FGF10: variants seen among roughly 807,000 people sequenced by gnomAD.
FGF10 encodes the protein FGF-10.
A neutral mutation model predicts 19.8 loss-of-function variants in FGF10; 2 were observed. That is an observed-to-expected ratio of 0.10 (90% CI 0.04 to 0.32). The LOEUF is 0.32. Among genes scored for constraint, FGF10 ranks in the 10% least tolerant of loss-of-function variants. FGF10 has a pLI of 1.00. For missense variants in FGF10, 191 were observed against 246.3 expected, an observed-to-expected ratio of 0.78 and a Z score of 1.50; for synonymous variants, 112 against 94.0, an observed-to-expected ratio of 1.19 and a Z score of -1.10.
At chr5:44,331,195 A>G (rs1740728842) in intron 1 of FGF10, among the ~76,000 whole-genome samples, 1 of 152,120 alleles carries the variant, frequency 6.6e-6, no homozygotes, top group Non-Finnish European at 1.5e-5. Context: ...ATACAAATTA[A>G]GCCAGACTAG....
chr5:44,330,409 CA>C (rs1740704911), intron 1 of FGF10, among the ~76,000 whole-genome samples: 1 of 152,204 alleles, frequency 6.6e-6, no homozygotes, highest in Non-Finnish European at 1.5e-5. Flanking sequence ...CCCTACCAAA[CA>C]TCTGGGAAAT....
At chr5:44,352,370 A>G (rs1741255092) in intron 1 of FGF10, among the ~76,000 whole-genome samples, 1 of 151,590 alleles carries the variant, frequency 6.6e-6, no homozygotes, top group Non-Finnish European at 1.5e-5. Flanking sequence ...ACACCAATAC[A>G]GAGGTAGCAT....
chr5:44,334,709 C>A (rs1388690852), intron 1 of FGF10, among the ~76,000 whole-genome samples: 1 of 152,108 alleles, frequency 6.6e-6, no homozygotes, highest in African/African-American at 2.4e-5. Context: ...CAGCCAAATG[C>A]TCTTTTCACT....
chr5:44,365,471 CT>C (rs1293800918), intron 1 of FGF10, among the ~76,000 whole-genome samples: 4 of 151,632 alleles, frequency 2.6e-5, no homozygotes, highest in Non-Finnish European at 4.4e-5. Flanking sequence ...AAACCTTCTT[CT>C]TGCACCTCCC....
At chr5:44,311,961 TC>T (rs918364977) in intron 1 of FGF10, among the ~76,000 whole-genome samples, 1 of 152,056 alleles carries the variant, frequency 6.6e-6, no homozygotes, top group African/African-American at 2.4e-5. Context: ...TGCTTGAGTT[TC>T]CCCTGTTGCC....
intron 1 of FGF10, among the ~76,000 whole-genome samples, chr5:44,320,070 G>A (rs1204675933): frequency 6.6e-6 from 1 of 152,178 alleles, no homozygotes; most frequent in Non-Finnish European, 1.5e-5. Context: ...CATATGTGAG[G>A]GACTGGGTTG....
chr5:44,344,906 A>G (rs1166737694), intron 1 of FGF10, among the ~76,000 whole-genome samples: 1 of 151,942 alleles, frequency 6.6e-6, no homozygotes, highest in Non-Finnish European at 1.5e-5. Flanking sequence ...GGCAATAAGC[A>G]GTATATACAA....
At chr5:44,349,243 T>C (rs1741161661) in intron 1 of FGF10, among the ~76,000 whole-genome samples, 2 of 150,316 alleles carry the variant, frequency 1.3e-5, no homozygotes, top group Admixed American at 1.3e-4. Context: ...TCACCTCCTA[T>C]TTCTTCAGCC....
At chr5:44,320,694 CA>C in intron 1 of FGF10, among the ~76,000 whole-genome samples, 1 of 149,100 alleles carries the variant, frequency 6.7e-6, no homozygotes, top group African/African-American at 2.4e-5. Flanking sequence ...AAGTCAAGTT[CA>C]AGTCTTTGGA....
chr5:44,373,615 T>C (rs1352415048), intron 1 of FGF10, among the ~76,000 whole-genome samples: 1 of 152,152 alleles, frequency 6.6e-6, no homozygotes, highest in Non-Finnish European at 1.5e-5. Flanking sequence ...GCCTTTCTTC[T>C]AGTTTTCAAT....
chr5:44,384,250 T>G (rs991071503), intron 1 of FGF10, among the ~76,000 whole-genome samples: 1 of 152,128 alleles, frequency 6.6e-6, no homozygotes, highest in Admixed American at 6.5e-5. Flanking sequence ...TAAATAGTCA[T>G]GTATTCCTAA....
At chr5:44,313,185 G>T (rs757294079) in intron 1 of FGF10, among the ~76,000 whole-genome samples, 2 of 151,982 alleles carry the variant, frequency 1.3e-5, no homozygotes, top group East Asian at 1.9e-4. Flanking sequence ...ATTTTGGGAC[G>T]CAGCGTATGG....
chr5:44,317,763 T>C lies in FGF10; in HGVS notation c.326-7233A>G, dbSNP rs560377483. Reference sequence around the variant, plus strand: ...TTTTTCCTCACTGGTAGAGATTTTTTAAATGTATTTAACATTATGGAAATA... The same window carrying C: ...TTTTTCCTCACTGGTAGAGATTTTTCAAATGTATTTAACATTATGGAAATA... On this transcript the variant is annotated intron_variant, in intron 1 of 2. Coordinates refer to ENST00000264664, the MANE Select transcript of FGF10 (RefSeq NM_004465.2). Among the ~76,000 whole-genome samples, 4 of 152,244 alleles carry C rather than the reference T, an allele frequency of 2.6e-5. No homozygotes were observed. In the East Asian group the frequency reaches 7.7e-4, roughly 29 times the overall value.
At chr5:44,318,504 T>C (rs977628575) in intron 1 of FGF10, among the ~76,000 whole-genome samples, 2 of 152,174 alleles carry the variant, frequency 1.3e-5, no homozygotes. Context: ...ATGCATTTCA[T>C]ATTTTAAGGA....
intron 1 of FGF10, among the ~76,000 whole-genome samples, chr5:44,311,299 T>A (rs943786689): frequency 1.3e-5 from 2 of 152,108 alleles, no homozygotes; most frequent in African/African-American, 4.8e-5. Flanking sequence ...TCGGAAAAGT[T>A]TGTAGATCAC....
chr5:44,315,342 T>C lies in FGF10; in HGVS notation c.326-4812A>G, dbSNP rs377099900. Among the ~76,000 whole-genome samples, 155 of 152,156 alleles carry C rather than the reference T, an allele frequency of 1.0e-3. 3 individuals carry two copies. The highest frequency in any genetic ancestry group is 3.5e-3 in the African/African-American group (147 of 41,532). On this transcript the variant is annotated intron_variant, in intron 1 of 2. Transcript: ENST00000264664. ...TTTTAATAGGGGGGATTTGGGAAGT[T>C]GAGAAGGAACATTCCAGGGAGAGAA... is the stretch of plus-strand genomic sequence containing the variant.
intron 1 of FGF10, among the ~76,000 whole-genome samples, chr5:44,379,048 A>T (rs1741931771): frequency 6.6e-6 from 1 of 151,098 alleles, no homozygotes; most frequent in Non-Finnish European, 1.5e-5. Flanking sequence ...TTCCCTTCTC[A>T]CCTCTTCAAA....
intron 1 of FGF10, among the ~76,000 whole-genome samples, chr5:44,383,511 T>A (rs1046414044): frequency 6.6e-6 from 1 of 152,108 alleles, no homozygotes; most frequent in African/African-American, 2.4e-5. Flanking sequence ...GAATTTGGTG[T>A]CTCTGAATTC....
At chr5:44,367,893 C>T (rs190712568) in intron 1 of FGF10, among the ~76,000 whole-genome samples, 3 of 149,372 alleles carry the variant, frequency 2.0e-5, no homozygotes, top group African/African-American at 7.4e-5. Context: ...TGTGCTAATA[C>T]ACAAAGTAAT....
Sources: gnomAD v4.1 joint callset for allele counts (sites outside exome capture counted in the v4.1 genomes callset) on GRCh38, gnomAD v4.1.1 for gene constraint, MANE v1.5 for transcripts, NCBI Gene and HGNC (gene_info 2026-07-23, HGNC 2026-07-21) for gene names.